RBFOX1: variants seen among roughly 807,000 people sequenced by gnomAD.
RBFOX1 encodes RNA binding protein fox-1 homolog 1.
Under a neutral mutation model 57.7 loss-of-function variants are expected in RBFOX1, and 8 were observed. The ratio of observed to expected loss-of-function variants is 0.14; its 90% CI spans 0.08 to 0.25. The LOEUF (loss-of-function observed/expected upper bound fraction) is 0.25, where lower values mean the gene tolerates loss of function less well. Ranked by LOEUF, RBFOX1 falls within the 10% of genes least tolerant of loss-of-function variation. The probability of loss-of-function intolerance (pLI) is 1.00; values close to 1 mark genes in which losing one functional copy is unlikely to be tolerated. For synonymous variants in RBFOX1, 326 were observed against 222.4 expected (o/e 1.47, Z -4.15); for missense variants, 611 against 548.5 (o/e 1.11, Z -1.14).
chr16:6,393,519 G>C (rs186669897), intron 2 of RBFOX1, among the ~76,000 whole-genome samples: 1 of 152,096 alleles, frequency 6.6e-6, no homozygotes, highest in African/African-American at 2.4e-5. Context: ...TTAATATTTA[G>C]CTGCTTCATG....
chr16:7,628,207 G>C (rs1042411950), intron 10 of RBFOX1, among the ~76,000 whole-genome samples: 1 of 152,076 alleles, frequency 6.6e-6, no homozygotes, highest in Non-Finnish European at 1.5e-5. Context: ...AAACTTCATA[G>C]CTGATTTTAA....
At chr16:5,291,115 G>T (rs145309855) in intron 1 of RBFOX1, among the ~76,000 whole-genome samples, 2,150 of 152,230 alleles carry the variant, frequency 0.014, 49 homozygotes, top group African/African-American at 0.048. Context: ...CTCACATTAG[G>T]GTGTGGAAAC....
At chr16:7,370,540 T>A (rs923805761) in intron 4 of RBFOX1, among the ~76,000 whole-genome samples, 1 of 152,202 alleles carries the variant, frequency 6.6e-6, no homozygotes, top group African/African-American at 2.4e-5. Flanking sequence ...CCCCACTCTT[T>A]TTAACTCCTC....
rs185933749 is a variant in RBFOX1, at chr16:7,070,211, A to T, written c.27+18113A>T. On this transcript the variant is annotated intron_variant, in intron 4 of 15. Coordinates refer to ENST00000550418, the MANE Select transcript of RBFOX1 (RefSeq NM_018723.4). ...GATCAGAGCACGAGGTTTTGATGGC[A>T]CAGTGTCTTGCTCACATATGAGGAG... Among the ~76,000 whole-genome samples, 197 of 152,292 alleles carry T rather than the reference A, an allele frequency of 1.3e-3. 1 individual carries two copies. Among genetic ancestry groups the T allele is most frequent in the African/African-American group, 4.5e-3 (189 of 41,570 alleles).
intron 1 of RBFOX1, among the ~76,000 whole-genome samples, chr16:6,026,968 C>A (rs755016840): frequency 6.6e-6 from 1 of 152,226 alleles, no homozygotes; most frequent in Non-Finnish European, 1.5e-5. Context: ...GAATCAGCTT[C>A]CCTCTTCATT....
At chr16:6,250,545 T>C (rs17139682) in intron 1 of RBFOX1, among the ~76,000 whole-genome samples, 32,476 of 152,032 alleles carry the variant, frequency 0.21, 4,516 homozygotes, top group African/African-American at 0.4. Context: ...TTATCTGTGG[T>C]ATTTCAACCA....
chr16:6,380,398 ATTTTTTTTTTTTTTTTTTTTTTTTTT>A lies in RBFOX1; in HGVS notation c.-64+63364_-64+63389del, dbSNP rs60498960. Among the ~76,000 whole-genome samples, 212 of 49,156 alleles carry A rather than the reference ATTTTTTTTTTTTTTTTTTTTTTTTTT, an allele frequency of 4.3e-3. 1 individual carries two copies. The highest frequency in any genetic ancestry group is 8.3e-3 in the East Asian group (12 of 1,440). The allele number at this position is 49,156 out of a possible 152,430, so 32.2% of individuals were successfully genotyped here. ...CGTCTGTGAGTGGTGAATGGTGGGG[ATTTTTTTTTTTTTTTTTTTTTTTTTT>A]TTTTTTTTTTTTTTTTTTTTTTAGT... On this transcript the variant is annotated intron_variant, in intron 2 of 15. Coordinates refer to ENST00000550418, the MANE Select transcript of RBFOX1 (RefSeq NM_018723.4).
intron 4 of RBFOX1, among the ~76,000 whole-genome samples, chr16:7,266,316 C>A (rs905688325): frequency 2.0e-5 from 3 of 152,054 alleles, no homozygotes; most frequent in Admixed American, 2.0e-4. Flanking sequence ...CACCTTCCCC[C>A]ACGCTCTCGC....
chr16:6,501,872 C>G (rs966635496), intron 2 of RBFOX1, among the ~76,000 whole-genome samples: 1 of 152,200 alleles, frequency 6.6e-6, no homozygotes. Flanking sequence ...GTCTTCCACT[C>G]TGGCTTTACT....
At chr16:6,711,622 A>G (rs72764944) in intron 3 of RBFOX1, among the ~76,000 whole-genome samples, 22,234 of 152,130 alleles carry the variant, frequency 0.15, 2,076 homozygotes, top group East Asian at 0.26. Context: ...GCCTTCCACC[A>G]TGATTGTAAG....
chr16:6,669,008 G>A (rs2098748744), intron 3 of RBFOX1, among the ~76,000 whole-genome samples: 2 of 152,244 alleles, frequency 1.3e-5, no homozygotes, highest in Admixed American at 1.3e-4. Context: ...CAGTTGGTGG[G>A]TTTTATTATC....
At chr16:7,229,125 G>A (rs945925872) in intron 4 of RBFOX1, among the ~76,000 whole-genome samples, 10 of 152,298 alleles carry the variant, frequency 6.6e-5, no homozygotes, top group Non-Finnish European at 1.0e-4. Flanking sequence ...AAGTAGTCAA[G>A]TAAGAAGCAA....
At chr16:6,538,711 C>A (rs2096769062) in intron 2 of RBFOX1, among the ~76,000 whole-genome samples, 2 of 152,168 alleles carry the variant, frequency 1.3e-5, no homozygotes, top group South Asian at 4.1e-4. Context: ...ACAGAATTCT[C>A]ACTAACTTTT....
At chr16:5,468,185 T>C (rs756985135) in intron 2 of RBFOX1, among the ~76,000 whole-genome samples, 1 of 152,224 alleles carries the variant, frequency 6.6e-6, no homozygotes, top group Non-Finnish European at 1.5e-5. Context: ...ACAAATTGTG[T>C]TGAGGTGAAA....
intron 4 of RBFOX1, among the ~76,000 whole-genome samples, chr16:7,374,405 T>G (rs1196742626): frequency 6.6e-6 from 1 of 152,218 alleles, no homozygotes; most frequent in Non-Finnish European, 1.5e-5. Flanking sequence ...TGCTTATTGC[T>G]AGTTATGCTG....
chr16:7,217,874 G>C (rs2092346935), intron 4 of RBFOX1, among the ~76,000 whole-genome samples: 1 of 151,156 alleles, frequency 6.6e-6, no homozygotes, highest in African/African-American at 2.4e-5. Flanking sequence ...GTACACGCGT[G>C]TGTGCATGTG....
chr16:7,188,513 T>C lies in RBFOX1; in HGVS notation c.27+136415T>C, dbSNP rs1602328882. ...GTTATGCAGAAAGGAAATGTTTTGC[T>C]GTGTGTGTGGGTGTCTGCACCTTTT... On this transcript the variant is annotated intron_variant, in intron 4 of 15. Coordinates refer to ENST00000550418, the MANE Select transcript of RBFOX1 (RefSeq NM_018723.4). Among the ~76,000 whole-genome samples the C allele has an allele frequency of 5.3e-5, 8 of 152,290 alleles. 1 individual carries two copies. In the South Asian group the frequency reaches 1.7e-3, roughly 32 times the overall value.
At chr16:5,450,208 C>T (rs1420287997) in intron 1 of RBFOX1, among the ~76,000 whole-genome samples, 4 of 152,196 alleles carry the variant, frequency 2.6e-5, no homozygotes, top group African/African-American at 7.2e-5. Context: ...TGTGGCATTG[C>T]ACCTTCAATT....
chr16:7,501,412 G>C (rs1473112927), intron 4 of RBFOX1, among the ~76,000 whole-genome samples: 2 of 152,134 alleles, frequency 1.3e-5, no homozygotes, highest in African/African-American at 2.4e-5. Context: ...TTTACTCTTT[G>C]ATTTAATCAA....
Sources: gnomAD v4.1 joint callset for allele counts (sites outside exome capture counted in the v4.1 genomes callset) on GRCh38, gnomAD v4.1.1 for gene constraint, MANE v1.5 for transcripts, NCBI Gene and HGNC (gene_info 2026-07-23, HGNC 2026-07-21) for gene names.